EPC2: variants seen among roughly 807,000 people sequenced by gnomAD.
EPC2 encodes the protein enhancer of polycomb 2.
EPC2 carries 14 observed loss-of-function variants against 92.1 expected under a neutral mutation model. That is an observed-to-expected ratio of 0.15 (90% confidence interval 0.10 to 0.24). EPC2 has a LOEUF of 0.24. Among genes scored for constraint, EPC2 ranks in the 10% least tolerant of loss-of-function variants. The pLI is 1.00. For missense variants in EPC2, 755 were observed against 971.5 expected (o/e 0.78, Z 2.96); for synonymous variants, 340 against 334.7 (o/e 1.02, Z -0.17).
chr2:148,648,790 G>A (rs980344770), intron 1 of EPC2, among the ~76,000 whole-genome samples: 27 of 152,220 alleles, frequency 1.8e-4, no homozygotes, highest in Admixed American at 1.2e-3. Context: ...CCTGGATGAG[G>A]TGATTTAGGT....
intron 2 of EPC2, among the ~76,000 whole-genome samples, chr2:148,726,989 A>C (rs1682512587): frequency 6.6e-6 from 1 of 152,034 alleles, no homozygotes; most frequent in Admixed American, 6.6e-5. Flanking sequence ...TGTCATATCC[A>C]AGAAATCACT....
chr2:148,710,662 C>G (rs904837594), intron 2 of EPC2, among the ~76,000 whole-genome samples: 2 of 148,944 alleles, frequency 1.3e-5, no homozygotes, highest in Non-Finnish European at 3.0e-5. Flanking sequence ...GAATACTATG[C>G]AGCCATAAAA....
intron 10 of EPC2, among the ~76,000 whole-genome samples, chr2:148,778,338 GTCTC>G (rs1191696635): frequency 6.6e-6 from 1 of 152,100 alleles, no homozygotes; most frequent in Non-Finnish European, 1.5e-5. Context: ...CCAAAGCTGG[GTCTC>G]TATCTTGTAT....
intron 2 of EPC2, among the ~76,000 whole-genome samples, chr2:148,693,090 A>G (rs1681674688): frequency 6.6e-6 from 1 of 152,174 alleles, no homozygotes. Context: ...TGGACTTAAG[A>G]TTATCTGTAC....
intron 1 of EPC2, among the ~76,000 whole-genome samples, chr2:148,657,615 G>A (rs1680829566): frequency 6.6e-6 from 1 of 151,796 alleles, no homozygotes; most frequent in Non-Finnish European, 1.5e-5. Context: ...AGGTAGTATT[G>A]TAGTTCTTAT....
chr2:148,783,204 A>G (rs189006013), intron 11 of EPC2, among the ~76,000 whole-genome samples: 1 of 152,302 alleles, frequency 6.6e-6, no homozygotes, highest in East Asian at 1.9e-4. Context: ...AACCAAAAGT[A>G]TTTTCATCCT....
chr2:148,731,020 T>C (rs1407430636), intron 2 of EPC2, among the ~76,000 whole-genome samples: 1 of 152,216 alleles, frequency 6.6e-6, no homozygotes, highest in East Asian at 1.9e-4. Flanking sequence ...CAGTTAAGGA[T>C]ATCCTCTCTG....
intron 10 of EPC2, among the ~76,000 whole-genome samples, chr2:148,772,241 G>T (rs573611062): frequency 6.6e-6 from 1 of 151,966 alleles, no homozygotes; most frequent in South Asian, 2.1e-4. Context: ...GAGAATCTAG[G>T]GTACACTTTT....
At chr2:148,715,025 G>GTTTTTTTTTTTTTT (rs60115354) in intron 2 of EPC2, among the ~76,000 whole-genome samples, 2 of 86,860 alleles carry the variant, frequency 2.3e-5, no homozygotes, top group African/African-American at 5.3e-5. Flanking sequence ...TTCTTCTAGG[G>GTTTTTTTTTTTTTT]TTTTTTTTTT....
chr2:148,780,057 A>T (rs988959173), intron 10 of EPC2, among the ~76,000 whole-genome samples: 1 of 152,162 alleles, frequency 6.6e-6, no homozygotes, highest in Non-Finnish European at 1.5e-5. Context: ...TTTAGAATTT[A>T]AAAAAAATTT....
intron 1 of EPC2, among the ~76,000 whole-genome samples, chr2:148,672,408 A>C (rs1681172289): frequency 6.6e-6 from 1 of 151,644 alleles, no homozygotes. Flanking sequence ...CCATTCATCT[A>C]CTCTATCTCT....
intron 2 of EPC2, among the ~76,000 whole-genome samples, chr2:148,708,810 ACT>A (rs1254941498): frequency 2.6e-5 from 4 of 152,026 alleles, no homozygotes; most frequent in Admixed American, 6.6e-5. Flanking sequence ...CATGCTAAAA[ACT>A]CTCAATAAAC....
chr2:148,786,272 A>G, intron 13 of EPC2, 33 bp from the exon 14 acceptor site: 2 of 1,521,050 alleles, frequency 1.3e-6, no homozygotes, highest in East Asian at 2.3e-5. Flanking sequence ...GAGAGTATTG[A>G]TATTTATTTT....
chr2:148,768,447 A>G (rs932441026), intron 7 of EPC2, among the ~76,000 whole-genome samples: 9 of 152,228 alleles, frequency 5.9e-5, no homozygotes, highest in African/African-American at 2.2e-4. Flanking sequence ...CTGATAGGAC[A>G]TGGCCTGGGA....
At chr2:148,727,261 G>A (rs1208921794) in intron 2 of EPC2, among the ~76,000 whole-genome samples, 1 of 152,068 alleles carries the variant, frequency 6.6e-6, no homozygotes, top group African/African-American at 2.4e-5. Flanking sequence ...TATTTCTGGG[G>A]TTTCTGTTCT....
At chr2:148,748,681 G>A (rs1017351771) in intron 3 of EPC2, among the ~76,000 whole-genome samples, 20 of 152,088 alleles carry the variant, frequency 1.3e-4, no homozygotes, top group Admixed American at 2.0e-4. Context: ...TATACACACA[G>A]TCTGAAGGTA....
chr2:148,785,312 A>G (rs533821774), intron 13 of EPC2, among the ~76,000 whole-genome samples: 2 of 152,164 alleles, frequency 1.3e-5, no homozygotes, highest in African/African-American at 4.8e-5. Flanking sequence ...TAGAAGCTTC[A>G]GTTACTCTTC....
chr2:148,645,386 G>A, intron 1 of EPC2: 1 of 486,526 alleles, frequency 2.1e-6, no homozygotes, highest in Non-Finnish European at 3.7e-6. Flanking sequence ...GTTGTGATTA[G>A]CTCGCAGCGC....
chr2:148,685,898 A>G (rs1286282210), intron 1 of EPC2, among the ~76,000 whole-genome samples: 3 of 152,238 alleles, frequency 2.0e-5, no homozygotes, highest in African/African-American at 7.2e-5. Flanking sequence ...AATGGTTGCT[A>G]ACGGTCATCT....
Sources: gnomAD v4.1 joint callset for allele counts (sites outside exome capture counted in the v4.1 genomes callset) on GRCh38, gnomAD v4.1.1 for gene constraint, MANE v1.5 for transcripts, NCBI Gene and HGNC (gene_info 2026-07-23, HGNC 2026-07-21) for gene names.